The following SMURF2 variants were observed in gnomAD, a reference collection of about 807,000 sequenced individuals.
SMURF2 encodes SMAD specific E3 ubiquitin protein ligase 2, also known as E3 ubiquitin-protein ligase SMURF2.
A neutral mutation model predicts 109.6 loss-of-function variants in SMURF2; 48 were observed. The ratio of observed to expected loss-of-function variants is 0.44; its 90% CI spans 0.35 to 0.56. The LOEUF is 0.56. Among genes scored for constraint, SMURF2 ranks in the 20% least tolerant of loss-of-function variants. The probability of loss-of-function intolerance (pLI) is 0.01; values close to 1 mark genes in which losing one functional copy is unlikely to be tolerated. For synonymous variants in SMURF2, 288 were observed against 317.1 expected (o/e 0.91, Z 0.97); for missense variants, 575 against 909.0 (o/e 0.63, Z 4.72).
At chr17:64,627,214 A>G (rs2144703303) in intron 1 of SMURF2, among the ~76,000 whole-genome samples, 1 of 147,908 alleles carries the variant, frequency 6.8e-6, no homozygotes, top group Non-Finnish European at 1.5e-5. Flanking sequence ...TCCCGGGTTC[A>G]AGTGATTCTC....
At chr17:64,588,288 G>C (rs1555687327) in intron 5 of SMURF2, among the ~76,000 whole-genome samples, 1 of 151,762 alleles carries the variant, frequency 6.6e-6, no homozygotes, top group African/African-American at 2.4e-5. Context: ...TTTTAAACAA[G>C]GAAAAAAGTT....
At chr17:64,647,679 T>TA (rs782754711) in intron 1 of SMURF2, among the ~76,000 whole-genome samples, 431 of 121,592 alleles carry the variant, frequency 3.5e-3, no homozygotes, top group East Asian at 0.015. Flanking sequence ...AGACTCTGTC[T>TA]AAAAAAAAAA....
At chr17:64,613,686 G>C (rs927285628) in intron 1 of SMURF2, among the ~76,000 whole-genome samples, 9 of 102,622 alleles carry the variant, frequency 8.8e-5, no homozygotes, top group Non-Finnish European at 1.5e-4. Flanking sequence ...GTGTGTGTGT[G>C]TGTGTGTGTG....
At chr17:64,603,932 T>G (rs782819292) in intron 2 of SMURF2, among the ~76,000 whole-genome samples, 3 of 152,238 alleles carry the variant, frequency 2.0e-5, no homozygotes, top group African/African-American at 7.2e-5. Flanking sequence ...AGTCGTACTT[T>G]GTATTAAAAT....
intron 1 of SMURF2, among the ~76,000 whole-genome samples, chr17:64,621,450 T>C (rs572715328): frequency 1.3e-4 from 19 of 151,534 alleles, no homozygotes; most frequent in South Asian, 1.0e-3. Context: ...CGTCGTGGCG[T>C]GTGCCTGTAG....
chr17:64,593,366 T>A, intron 4 of SMURF2, 74 bp downstream of exon 4: 1 of 1,350,266 alleles, frequency 7.4e-7, no homozygotes, highest in Non-Finnish European at 9.8e-7. Flanking sequence ...CATGTATATA[T>A]GTATATGCAC....
At position 64,555,850 on chromosome 17, in the gene SMURF2, G is replaced by A. The variant is rs1969112596; in HGVS notation, c.1580C>T (p.Pro527Leu). ...ITLDDMELVD[P>L]DLHNSLVWIL... is the part of the protein sequence containing the mutation. ...CCACACTAAACTGTTGTGAAGATCC[G>A]GATCTACTAACTCCATGTCATCCAA... is the stretch of plus-strand genomic sequence containing the variant. The change falls in exon 14 of 19, where the codon CCG becomes CTG. Residue 527 changes from proline (P) to leucine (L), a missense_variant. Pro to Leu is a moderately conservative substitution (Grantham distance 98, BLOSUM62 -3). Coordinates refer to ENST00000262435, the MANE Select transcript of SMURF2 (RefSeq NM_022739.4). The A allele has an allele frequency of 7.4e-6, 12 of 1,612,146 alleles. No individual in the cohort carries two copies. The highest frequency in any genetic ancestry group is 2.2e-5 in the East Asian group (1 of 44,756).
intron 10 of SMURF2, among the ~76,000 whole-genome samples, chr17:64,567,878 G>A (rs1456559012): frequency 8.2e-5 from 11 of 133,938 alleles, no homozygotes; most frequent in Non-Finnish European, 1.7e-4. Flanking sequence ...TTTTTGAGAC[G>A]GAGTTTCGCT....
intron 10 of SMURF2, among the ~76,000 whole-genome samples, chr17:64,565,383 C>T (rs1568176284): frequency 6.6e-6 from 1 of 152,170 alleles, no homozygotes; most frequent in African/African-American, 2.4e-5. Context: ...TCCTTTAGGG[C>T]CTCTGCCAAT....
chr17:64,635,232 C>T (rs1223840378), intron 1 of SMURF2, among the ~76,000 whole-genome samples: 1 of 152,004 alleles, frequency 6.6e-6, no homozygotes, highest in Non-Finnish European at 1.5e-5. Flanking sequence ...GAGGCTGAGG[C>T]ACGAGAATTG....
intron 1 of SMURF2, among the ~76,000 whole-genome samples, chr17:64,625,516 G>C (rs1310469601): frequency 1.3e-5 from 2 of 152,178 alleles, no homozygotes; most frequent in Admixed American, 1.3e-4. Flanking sequence ...ATTCAACACA[G>C]ATCTCTGTTT....
At chr17:64,564,580 T>A (rs890419778) in intron 10 of SMURF2, among the ~76,000 whole-genome samples, 11 of 152,144 alleles carry the variant, frequency 7.2e-5, no homozygotes, top group African/African-American at 2.7e-4. Flanking sequence ...ATCCAAAAAC[T>A]GATGTCTTTA....
At chr17:64,551,754 G>C in intron 15 of SMURF2, 50 bp from the exon 16 acceptor site, 17 of 1,601,814 alleles carry the variant, frequency 1.1e-5, no homozygotes, top group Non-Finnish European at 1.5e-5. Flanking sequence ...TTTCAGATCT[G>C]GTAATTATTA....
chr17:64,607,582 C>T (rs1379802318), intron 1 of SMURF2, among the ~76,000 whole-genome samples: 7 of 149,904 alleles, frequency 4.7e-5, no homozygotes, highest in Admixed American at 2.0e-4. Flanking sequence ...GCCAAGATTG[C>T]GCCACTGCAC....
At position 64,653,474 on chromosome 17, in the gene SMURF2, T is replaced by A. The variant is rs1253603746; in HGVS notation, c.52+8355A>T. Among the ~76,000 whole-genome samples, 25 of 6,672 alleles carry A rather than the reference T, an allele frequency of 3.7e-3. No individual in the cohort carries two copies. The East Asian group carries it at 0.038, about 10-fold the overall frequency. 4.4% of individuals were successfully genotyped at this position (6,672 alleles called of 152,430 possible). A position where few individuals can be genotyped will look rare whatever the true frequency, so the allele number is the denominator to read the frequency against. ...GGTACAACTTTGAAAAAAAAAAAAT[T>A]TTTTTTTTTGAGACAGAGTCACCCA... On this transcript the variant is annotated intron_variant, in intron 1 of 18. Coordinates refer to ENST00000262435, the MANE Select transcript of SMURF2 (RefSeq NM_022739.4).
rs111627670 is a variant in SMURF2 at position 64,582,915 on chromosome 17, T to G, written c.569+546A>C. ...TGCTTGGCCAATATTTTTTTTTTTT[T>G]GGGGACAGAGTCTCATTCTATCACC... On this transcript the variant is annotated intron_variant, in intron 7 of 18. Transcript: ENST00000262435. Among the ~76,000 whole-genome samples, 491 of 151,534 alleles carry G rather than the reference T, an allele frequency of 3.2e-3. 2 individuals carry two copies. Among genetic ancestry groups the G allele is most frequent in the Admixed American group, 0.011 (173 of 15,148 alleles).
chr17:64,566,419 C>T (rs1199505119), intron 10 of SMURF2, among the ~76,000 whole-genome samples: 1 of 151,450 alleles, frequency 6.6e-6, no homozygotes, highest in Admixed American at 6.6e-5. Context: ...TGTAATGTAA[C>T]ACGAATATAA....
chr17:64,643,621 T>C (rs1430167060), intron 1 of SMURF2, among the ~76,000 whole-genome samples: 2 of 152,196 alleles, frequency 1.3e-5, no homozygotes, highest in African/African-American at 2.4e-5. Flanking sequence ...CTTCCTATCA[T>C]TGCTAGTCCC....
At chr17:64,584,291 C>T (rs1188650319) in intron 6 of SMURF2, among the ~76,000 whole-genome samples, 1 of 134,576 alleles carries the variant, frequency 7.4e-6, no homozygotes, top group Non-Finnish European at 1.5e-5. Context: ...GCACTCCAGC[C>T]AGGGTGACAA....
Sources: allele counts gnomAD v4.1 joint callset (sites outside exome capture counted in the v4.1 genomes callset), GRCh38; gene constraint gnomAD v4.1.1; transcripts MANE v1.5; gene names NCBI Gene and HGNC (gene_info 2026-07-23, HGNC 2026-07-21).